The following DSCAM variants were observed in gnomAD, a reference collection of about 807,000 sequenced individuals.
The protein encoded by DSCAM is DS cell adhesion molecule, also known as cell adhesion molecule DSCAM.
Under a neutral mutation model 217.7 loss-of-function variants are expected in DSCAM, and 47 were observed. The ratio of observed to expected loss-of-function variants is 0.22; its 90% confidence interval spans 0.17 to 0.28. The LOEUF (loss-of-function observed/expected upper bound fraction) is 0.28. Ranked by LOEUF, DSCAM falls within the 10% of genes least tolerant of loss-of-function variation. The pLI, the probability that DSCAM is intolerant of heterozygous loss-of-function variation, is 1.00. For missense variants in DSCAM, 2,080 were observed against 2,618.3 expected, an observed-to-expected ratio of 0.79 and a Z score of 4.49; for synonymous variants, 1,056 against 1,015.3, an observed-to-expected ratio of 1.04 and a Z score of -0.76.
intron 11 of DSCAM, among the ~76,000 whole-genome samples, chr21:40,257,208 C>G (rs977464243): frequency 6.6e-6 from 1 of 152,188 alleles, no homozygotes. Context: ...GAGTTCAAGA[C>G]TTTTCATATG....
intron 3 of DSCAM, among the ~76,000 whole-genome samples, chr21:40,441,539 T>C (rs1300489919): frequency 6.6e-6 from 1 of 152,198 alleles, no homozygotes; most frequent in Admixed American, 6.5e-5. Context: ...TCACCATAAA[T>C]TTATGAAACC....
intron 11 of DSCAM, among the ~76,000 whole-genome samples, chr21:40,213,731 A>AAAT (rs1601447397): frequency 6.6e-6 from 1 of 152,120 alleles, no homozygotes; most frequent in African/African-American, 2.4e-5. Context: ...TTCTCCATGA[A>AAAT]AATAAGTGGA....
rs1555883270 is a variant in DSCAM, at chr21:40,144,497, C to G, written c.3253G>C (p.Glu1085Gln). ...SSQEIITTTL[E>Q]DVPSYPPENV... is the part of the protein sequence containing the mutation. ...AGGCCCCGGCCGAACCTACCATCCT[C>G]GAGAGTGGTGGTGATGATTTCCTGA... Residue 1085 changes from glutamate (E) to glutamine (Q), a missense_variant, in exon 17 of 33, where the codon GAG becomes CAG. Physicochemically the swap from Glu to Gln is conservative, Grantham distance 29. Around this residue, in one of 5 missense-constraint regions of DSCAM, gnomAD observed 1,144 missense variants for 1,421.1 expected, o/e 0.81. Transcript: ENST00000400454. The surrounding 1 kb of genome is among the most constrained non-coding windows in gnomAD (Gnocchi z 4.8). 6.2e-7 allele frequency: 1 copy of G among 1,613,910 alleles called. No homozygotes were observed. Among genetic ancestry groups the G allele is most frequent in the African/African-American group, 1.3e-5 (1 of 74,936 alleles).
At chr21:40,302,405 C>T (rs2074027450) in intron 9 of DSCAM, among the ~76,000 whole-genome samples, 1 of 152,158 alleles carries the variant, frequency 6.6e-6, no homozygotes, top group South Asian at 2.1e-4. Flanking sequence ...CCATGTAAGA[C>T]ATGCCTTTCA....
Position 40,144,611 on chromosome 21 carries a change from C to T in DSCAM, c.3139G>A (p.Glu1047Lys), listed in dbSNP as rs1400515620. Residue 1047 changes from glutamate (E) to lysine (K), a missense_variant, in exon 17 of 33, where the codon GAG (glutamate) becomes AAG (lysine). This residue lies in a region of DSCAM where 1,144 missense variants were observed against 1,421.1 expected (regional missense o/e 0.81). Transcript: ENST00000400454. The surrounding 1 kb of genome is among the most constrained non-coding windows in gnomAD (Gnocchi z 4.8). ...IISVDTSGDSEVYTLDNLNKF... is the reference protein window; with the variant it reads ...IISVDTSGDSKVYTLDNLNKF... Reference sequence around the variant, plus strand: ...TTCAGGTTGTCCAGGGTGTAAACCTCACTGTCCCCGCTGGTGTCGACACTG... The same window carrying T: ...TTCAGGTTGTCCAGGGTGTAAACCTTACTGTCCCCGCTGGTGTCGACACTG... 6 of 1,614,066 alleles carry T rather than the reference C, an allele frequency of 3.7e-6. No individual in the cohort carries two copies. Among genetic ancestry groups the T allele is most frequent in the African/African-American group, 1.3e-5 (1 of 74,924 alleles).
At chr21:40,237,799 C>T (rs556792721) in intron 11 of DSCAM, among the ~76,000 whole-genome samples, 49 of 152,258 alleles carry the variant, frequency 3.2e-4, no homozygotes, top group African/African-American at 1.2e-3. Flanking sequence ...CACTGTCTTC[C>T]AAGTCTCTTA....
intron 23 of DSCAM, among the ~76,000 whole-genome samples, chr21:40,085,153 A>C (rs1377185543): frequency 6.6e-6 from 1 of 152,230 alleles, no homozygotes. Context: ...ACAGCGATCT[A>C]CTTAGAGCTC....
intron 1 of DSCAM, among the ~76,000 whole-genome samples, chr21:40,718,954 T>C (rs1321919752): frequency 6.6e-6 from 1 of 151,882 alleles, no homozygotes; most frequent in Non-Finnish European, 1.5e-5. Flanking sequence ...AGCAAGACTC[T>C]CTCTACCAAA....
At chr21:40,210,998 A>C (rs1909402755) in intron 11 of DSCAM, among the ~76,000 whole-genome samples, 1 of 152,206 alleles carries the variant, frequency 6.6e-6, no homozygotes, top group Admixed American at 6.5e-5. Context: ...AGAATTCCTT[A>C]TTCCTATCTG....
intron 11 of DSCAM, among the ~76,000 whole-genome samples, chr21:40,217,962 T>C (rs1779271200): frequency 6.6e-6 from 1 of 152,212 alleles, no homozygotes; most frequent in Admixed American, 6.5e-5. Flanking sequence ...TTGTTTACTC[T>C]GTTGATCATT....
intron 3 of DSCAM, among the ~76,000 whole-genome samples, chr21:40,589,317 C>T (rs1287572631): frequency 6.6e-6 from 1 of 152,196 alleles, no homozygotes; most frequent in Admixed American, 6.5e-5. Flanking sequence ...GTGGCTCATG[C>T]CTGTAATCCC....
intron 2 of DSCAM, among the ~76,000 whole-genome samples, chr21:40,702,297 G>T (rs897019555): frequency 6.6e-6 from 1 of 152,090 alleles, no homozygotes; most frequent in Non-Finnish European, 1.5e-5. Flanking sequence ...AATTTAATGT[G>T]AACTATGGAC....
intron 11 of DSCAM, among the ~76,000 whole-genome samples, chr21:40,224,377 T>C (rs2091313238): frequency 6.6e-6 from 1 of 152,228 alleles, no homozygotes; most frequent in Non-Finnish European, 1.5e-5. Flanking sequence ...AGTCAATTGT[T>C]TAAGTGAATG....
In DSCAM at chr21:40,178,940, C is replaced by G. The variant is rs546478839; in HGVS notation, c.2934G>C (p.Thr978=). Residue 978 remains threonine, a synonymous_variant, in exon 15 of 33, where the codon ACG becomes ACC. Transcript: ENST00000400454. ...KSEPSNELTI[T]ADEAAPDGPP... ...GGTCCCACGTACCTGCCTCGTCCGC[C>G]GTGATGGTGAGCTCGTTGCTGGGCT... 6.8e-6 allele frequency: 11 copies of G among 1,613,820 alleles called. No homozygotes were observed. The South Asian group carries it at 1.2e-4, about 18-fold the overall frequency.
chr21:40,607,146 G>A (rs573471489), intron 3 of DSCAM, among the ~76,000 whole-genome samples: 18 of 152,190 alleles, frequency 1.2e-4, no homozygotes, highest in Non-Finnish European at 2.2e-4. Flanking sequence ...AAGAATCCTC[G>A]TGTTTACATT....
intron 14 of DSCAM, among the ~76,000 whole-genome samples, chr21:40,182,763 G>GT (rs1555886749): frequency 9.2e-4 from 2 of 2,174 alleles, no homozygotes; most frequent in Non-Finnish European, 2.2e-3. Flanking sequence ...ACGGGGGGGG[G>GT]TACCAGAGAA....
chr21:40,203,748 G>A (rs1571720), intron 11 of DSCAM, among the ~76,000 whole-genome samples: 85,131 of 152,018 alleles, frequency 0.56, 25,657 homozygotes, highest in African/African-American at 0.8. Flanking sequence ...TAATATTTGT[G>A]TTCATGACTT....
At chr21:40,062,478 G>A (rs2089138007) in intron 28 of DSCAM, among the ~76,000 whole-genome samples, 1 of 152,196 alleles carries the variant, frequency 6.6e-6, no homozygotes, top group Non-Finnish European at 1.5e-5. Flanking sequence ...ATGGGGCATA[G>A]CACATTCCTT....
At chr21:40,020,951 G>C (rs996413618) in intron 32 of DSCAM, among the ~76,000 whole-genome samples, 1 of 152,128 alleles carries the variant, frequency 6.6e-6, no homozygotes, top group Non-Finnish European at 1.5e-5. Context: ...GTGAGGGATG[G>C]AGAAGGTGGA....
Sources: allele counts gnomAD v4.1 joint callset (sites outside exome capture counted in the v4.1 genomes callset), GRCh38; gene constraint gnomAD v4.1.1; regional missense constraint gnomAD v4.1.1; non-coding constraint Gnocchi (gnomAD v3.1); transcripts MANE v1.5; gene names NCBI Gene and HGNC (gene_info 2026-07-23, HGNC 2026-07-21).